Variants in NELL2 observed in about 807,000 individuals in gnomAD.
NELL2 encodes neural EGFL like 2, also known as protein kinase C-binding protein NELL2.
In NELL2, 41 loss-of-function variants were observed where a neutral mutation model predicts 109.6. The ratio of observed to expected loss-of-function variants is 0.37; its 90% CI spans 0.29 to 0.49. The LOEUF is 0.49. Among genes scored for constraint, NELL2 ranks in the 20% least tolerant of loss-of-function variants. The probability of loss-of-function intolerance (pLI) is 0.98; values close to 1 mark genes in which losing one functional copy is unlikely to be tolerated. For synonymous variants in NELL2, 355 were observed against 344.7 expected (o/e 1.03, Z -0.33); for missense variants, 900 against 1,008.3 (o/e 0.89, Z 1.45).
At chr12:44,634,653 A>T (rs555604234) in intron 13 of NELL2, among the ~76,000 whole-genome samples, 62 of 152,320 alleles carry the variant, frequency 4.1e-4, no homozygotes, top group African/African-American at 1.3e-3. Flanking sequence ...GTGTCTTTAT[A>T]TTAGAATGAT....
At chr12:44,660,460 T>A (rs1715469105) in intron 13 of NELL2, among the ~76,000 whole-genome samples, 1 of 152,146 alleles carries the variant, frequency 6.6e-6, no homozygotes, top group African/African-American at 2.4e-5. Flanking sequence ...CCTAATAATA[T>A]TACAGGATGT....
In NELL2 at chr12:44,644,596, A is replaced by ATATGTATGTG. The variant is rs1555190837; in HGVS notation, c.1444+20887_1444+20888insCACATACATA. Among the ~76,000 whole-genome samples the ATATGTATGTG allele has an allele frequency of 6.5e-4, 54 of 82,846 alleles. 3 individuals carry two copies. Among genetic ancestry groups the ATATGTATGTG allele is most frequent in the African/African-American group, 2.0e-3 (40 of 20,410 alleles). The allele number at this position is 82,846 out of a possible 152,430, so 54.4% of individuals were successfully genotyped here. On this transcript the variant is annotated intron_variant, in intron 13 of 19. Transcript: ENST00000429094. ...CAAAGTAAAGTATATATATATATAT[A>ATATGTATGTG]TATATATGTATGTATATATATATAT...
intron 15 of NELL2, among the ~76,000 whole-genome samples, chr12:44,561,651 T>C (rs1219537456): frequency 2.0e-5 from 3 of 152,194 alleles, no homozygotes; most frequent in African/African-American, 7.2e-5. Context: ...TACAAACCAC[T>C]GCTCAAGGAA....
At chr12:44,557,315 A>G (rs1313829146) in intron 15 of NELL2, among the ~76,000 whole-genome samples, 1 of 152,218 alleles carries the variant, frequency 6.6e-6, no homozygotes, top group Non-Finnish European at 1.5e-5. Flanking sequence ...AATAGAAACA[A>G]AAAGCATCAA....
intron 2 of NELL2, among the ~76,000 whole-genome samples, chr12:44,820,044 G>A (rs902590107): frequency 3.9e-5 from 6 of 152,112 alleles, no homozygotes; most frequent in Admixed American, 2.6e-4. Context: ...GGACACAGAT[G>A]AAGATTTTTA....
intron 2 of NELL2, among the ~76,000 whole-genome samples, chr12:44,860,351 TA>T (rs1944802605): frequency 6.6e-6 from 1 of 152,228 alleles, no homozygotes; most frequent in African/African-American, 2.4e-5. Flanking sequence ...AGATATATAT[TA>T]GTTTTCTATT....
intron 15 of NELL2, among the ~76,000 whole-genome samples, chr12:44,557,162 G>A (rs1248143375): frequency 6.6e-6 from 1 of 152,016 alleles, no homozygotes; most frequent in Non-Finnish European, 1.5e-5. Flanking sequence ...TTGAACCAGG[G>A]CCCCCCACCT....
chr12:44,573,977 A>G (rs10161119), intron 15 of NELL2, among the ~76,000 whole-genome samples: 5,303 of 152,254 alleles, frequency 0.035, 330 homozygotes, highest in African/African-American at 0.12. Context: ...CCACTAAGAG[A>G]GTTCTTGGAC....
chr12:44,755,693 C>A (rs74856632), intron 9 of NELL2, among the ~76,000 whole-genome samples: 18 of 152,262 alleles, frequency 1.2e-4, no homozygotes, highest in African/African-American at 3.9e-4. Flanking sequence ...ATTCTTCAAC[C>A]TTGTTAGTGC....
intron 15 of NELL2, among the ~76,000 whole-genome samples, chr12:44,563,545 A>T (rs1215268030): frequency 6.6e-6 from 1 of 152,198 alleles, no homozygotes; most frequent in Non-Finnish European, 1.5e-5. Flanking sequence ...CCGCTTAGCT[A>T]AAGAGTGAGT....
chr12:44,840,706 C>T (rs192896465), intron 2 of NELL2, among the ~76,000 whole-genome samples: 1 of 151,256 alleles, frequency 6.6e-6, no homozygotes, highest in African/African-American at 2.4e-5. Flanking sequence ...AGCAAAGAAA[C>T]ATAGGCATTT....
intron 3 of NELL2, among the ~76,000 whole-genome samples, chr12:44,809,769 T>A (rs1943114443): frequency 6.6e-6 from 1 of 152,084 alleles, no homozygotes; most frequent in South Asian, 2.1e-4. Context: ...TTCTTAATTC[T>A]GCAACAGTGT....
intron 2 of NELL2, among the ~76,000 whole-genome samples, chr12:44,831,698 T>TA (rs1208967223): frequency 5.9e-5 from 9 of 152,180 alleles, no homozygotes; most frequent in African/African-American, 2.2e-4. Context: ...ATTTTATTAT[T>TA]AAAAAGGAAC....
chr12:44,745,822 T>C (rs1401093086), intron 9 of NELL2, among the ~76,000 whole-genome samples: 1 of 152,054 alleles, frequency 6.6e-6, no homozygotes, highest in Non-Finnish European at 1.5e-5. Context: ...GGAAGAACAT[T>C]CCATCCTCAC....
chr12:44,610,897 G>A lies in NELL2; in HGVS notation c.1518C>T (p.His506=). Residue 506 remains histidine, a synonymous_variant, in exon 14 of 20, where the codon CAC becomes CAT. Transcript: ENST00000429094. The part of the protein sequence containing the change: ...NALCFNTVGG[H]NCVCKPGYTG... ...TATAGCCCGGCTTGCAAACACAGTT[G>A]TGTCCTCCAACAGTGTTGAAGCATA... 1 of 1,613,220 alleles carries A rather than the reference G, an allele frequency of 6.2e-7. No homozygotes were observed. Among genetic ancestry groups the A allele is most frequent in the Non-Finnish European group, 8.5e-7 (1 of 1,179,396 alleles).
At chr12:44,909,928 C>T (rs367987037) in intron 1 of NELL2, among the ~76,000 whole-genome samples, 16 of 151,572 alleles carry the variant, frequency 1.1e-4, no homozygotes, top group South Asian at 4.1e-4. Context: ...TCCAGCTATA[C>T]GCAGAATAAT....
At chr12:44,613,262 T>A (rs945749672) in intron 13 of NELL2, among the ~76,000 whole-genome samples, 1 of 152,124 alleles carries the variant, frequency 6.6e-6, no homozygotes, top group African/African-American at 2.4e-5. Flanking sequence ...TATGTCCATT[T>A]CTCTTTAGTT....
intron 15 of NELL2, among the ~76,000 whole-genome samples, chr12:44,542,139 A>G (rs1220481803): frequency 6.6e-6 from 1 of 152,228 alleles, no homozygotes; most frequent in Non-Finnish European, 1.5e-5. Flanking sequence ...TACTGATGAT[A>G]TAGCGCAGTA....
intron 2 of NELL2, among the ~76,000 whole-genome samples, chr12:44,861,411 A>T (rs1944839654): frequency 2.6e-5 from 4 of 151,968 alleles, no homozygotes; most frequent in African/African-American, 9.7e-5. Context: ...AGGCTGGCCA[A>T]TCAGACTTGG....
Sources: gnomAD v4.1 joint callset for allele counts (sites outside exome capture counted in the v4.1 genomes callset) on GRCh38, gnomAD v4.1.1 for gene constraint, MANE v1.5 for transcripts, NCBI Gene and HGNC (gene_info 2026-07-23, HGNC 2026-07-21) for gene names.